The following RBFA variants were observed in gnomAD, a reference collection of about 807,000 sequenced individuals.
RBFA encodes the protein putative ribosome-binding factor A, mitochondrial.
A neutral mutation model predicts 27.9 loss-of-function variants in RBFA; 16 were observed. The ratio of observed to expected loss-of-function variants is 0.57; its 90% CI spans 0.39 to 0.87. The LOEUF (loss-of-function observed/expected upper bound fraction) is 0.87, where lower values mean the gene tolerates loss of function less well. RBFA is among the 40% of genes least tolerant of loss of function. The pLI, the probability that RBFA is intolerant of heterozygous loss-of-function variation, is 0.00. For synonymous variants in RBFA, 181 were observed against 181.0 expected, an observed-to-expected ratio of 1.00 and a Z score of 0.00; for missense variants, 456 against 432.1, an observed-to-expected ratio of 1.06 and a Z score of -0.49.
At chr18:80,034,820 C>A in intron 1 of RBFA, 167 bp downstream of exon 1, 1 of 712,620 alleles carries the variant, frequency 1.4e-6, no homozygotes, top group Non-Finnish European at 2.2e-6. Flanking sequence ...GCATTTGCAG[C>A]TTTTGTGTTC....
In RBFA at chr18:80,037,206, G is replaced by A. The variant is rs2051985076; in HGVS notation, c.202-124G>A. On this transcript the variant is annotated intron_variant, in intron 2 of 6. Transcript: ENST00000306735. ...CTTTATCTTAATGAAAGCTGAGGCA[G>A]CTGAGAGTGATAGCTGCTGTTGATC... 1.0e-5 allele frequency: 7 copies of A among 683,006 alleles called. No individual in the cohort carries two copies. In the East Asian group the frequency reaches 1.8e-4, roughly 18 times the overall value. 42.3% of individuals were successfully genotyped at this position (683,006 alleles called of 1,614,324 possible).
At chr18:80,038,095 C>T (rs140337310) in intron 3 of RBFA, among the ~76,000 whole-genome samples, 4 of 152,234 alleles carry the variant, frequency 2.6e-5, no homozygotes, top group East Asian at 3.9e-4. Context: ...CTAAGCCTGC[C>T]GTGGGAAGAG....
chr18:80,040,467 C>A, intron 4 of RBFA, among the ~76,000 whole-genome samples: 1 of 151,900 alleles, frequency 6.6e-6, no homozygotes, highest in Non-Finnish European at 1.5e-5. Flanking sequence ...AGGCTGGTCT[C>A]CAACTCCTGG....
At chr18:80,038,864 G>T (rs1260477534) in intron 4 of RBFA, among the ~76,000 whole-genome samples, 1 of 152,210 alleles carries the variant, frequency 6.6e-6, no homozygotes, top group African/African-American at 2.4e-5. Context: ...AGTTCATTAG[G>T]GTAAGACGTT....
chr18:80,040,842 T>C (rs2052011693), intron 4 of RBFA, among the ~76,000 whole-genome samples: 1 of 152,214 alleles, frequency 6.6e-6, no homozygotes, highest in Non-Finnish European at 1.5e-5. Context: ...CTTTGGGATC[T>C]TCAGTAATTT....
intron 4 of RBFA, chr18:80,041,355 C>G (rs776123472): frequency 2.6e-5 from 4 of 152,168 alleles, no homozygotes; most frequent in Non-Finnish European, 5.9e-5. Flanking sequence ...TCTGTGGTCA[C>G]GGCTTTCGCT....
Position 80,049,144 on chromosome 18 carries a change from T to G in RBFA, c.*2989T>G, listed in dbSNP as rs772887454. Among the ~76,000 whole-genome samples the G allele has an allele frequency of 3.0e-4, 45 of 151,564 alleles. No homozygotes were observed. Among genetic ancestry groups the G allele is most frequent in the Non-Finnish European group, 5.9e-4 (40 of 67,898 alleles). On this transcript the variant is annotated 3_prime_UTR_variant, in exon 7 of 7. Coordinates refer to ENST00000306735, the MANE Select transcript of RBFA (RefSeq NM_024805.3). ...ACCCGCTTCTGAATGGGTCCACTCC[T>G]GGGGATTTCCGCGGCCTTCCCTGGG... is the stretch of plus-strand genomic sequence containing the variant.
In RBFA at chr18:80,037,652, G is replaced by C. The variant is rs2051989578; in HGVS notation, c.378+146G>C. The stretch of plus-strand genomic sequence containing the variant: ...CGCCTGTAATCCTAGCACTTTGGGA[G>C]GCTGAGGCGGGCGGATCACGAGGCC... On this transcript the variant is annotated intron_variant, in intron 3 of 6. Coordinates refer to ENST00000306735, the MANE Select transcript of RBFA (RefSeq NM_024805.3). 5.4e-6 allele frequency: 3 copies of C among 555,372 alleles called. No homozygotes were observed. The African/African-American group carries it at 5.7e-5, about 11-fold the overall frequency. 34.4% of individuals were successfully genotyped at this position (555,372 alleles called of 1,614,324 possible).
intron 6 of RBFA, among the ~76,000 whole-genome samples, chr18:80,045,441 G>A (rs568422944): frequency 6.6e-6 from 1 of 152,164 alleles, no homozygotes; most frequent in African/African-American, 2.4e-5. Flanking sequence ...TGGCCAGGCT[G>A]GTCTTGCACT....
chr18:80,038,665 A>G (rs1201282036), intron 4 of RBFA, 48 bp downstream of exon 4: 3 of 1,379,774 alleles, frequency 2.2e-6, no homozygotes, highest in South Asian at 2.5e-5. Flanking sequence ...CTCATACCCT[A>G]AATTTCTCAG....
chr18:80,039,579 G>C (rs2052003438), intron 4 of RBFA, among the ~76,000 whole-genome samples: 1 of 152,164 alleles, frequency 6.6e-6, no homozygotes, highest in African/African-American at 2.4e-5. Context: ...CATATCTGTT[G>C]CCAGTGATAA....
rs144281218 is a variant in RBFA, at chr18:80,047,428, A to G, written c.*1273A>G. 5 of 152,548 alleles carry G rather than the reference A, an allele frequency of 3.3e-5. No individual in the cohort carries two copies. The highest frequency in any genetic ancestry group is 7.3e-5 in the Non-Finnish European group (5 of 68,112). The allele number at this position is 152,548 out of a possible 1,614,324, so 9.4% of individuals were successfully genotyped here. A position where few individuals can be genotyped will look rare whatever the true frequency, so the allele number is the denominator to read the frequency against. ...AAGCTGCATGTGCACTGTGTGGGGT[A>G]AGGACAGTAGGAGATGCTGCTGCAA... is the stretch of plus-strand genomic sequence containing the variant. On this transcript the variant is annotated 3_prime_UTR_variant, in exon 7 of 7. Transcript: ENST00000306735.
At position 80,034,506 on chromosome 18, in the gene RBFA, C is replaced by T; in HGVS notation, c.11C>T (p.Ala4Val). The T allele has an allele frequency of 6.4e-7, 1 of 1,569,076 alleles. No individual in the cohort carries two copies. The highest frequency in any genetic ancestry group is 8.6e-7 in the Non-Finnish European group (1 of 1,164,432). MWAAAGGLWRSRAG... is the reference protein window; with the variant it reads MWAVAGGLWRSRAG... ...TCCCGGCGCCGCGCCATGTGGGCTGCGGCGGGCGGGCTGTGGCGCTCCCGC... is the reference window on the plus strand; with the variant it reads ...TCCCGGCGCCGCGCCATGTGGGCTGTGGCGGGCGGGCTGTGGCGCTCCCGC... Residue 4 changes from alanine to valine, a missense_variant, in exon 1 of 7, where the codon GCG (alanine) becomes GTG (valine). Physicochemically the swap from Ala to Val is moderately conservative, Grantham distance 64. Transcript: ENST00000306735.
In RBFA at chr18:80,039,691, C is replaced by T. The variant is rs573038582; in HGVS notation, c.491+1074C>T. Among the ~76,000 whole-genome samples the T allele has an allele frequency of 4.6e-5, 7 of 152,342 alleles. No homozygotes were observed. The South Asian group carries it at 1.2e-3, about 27-fold the overall frequency. On this transcript the variant is annotated intron_variant, in intron 4 of 6. Coordinates refer to ENST00000306735, the MANE Select transcript of RBFA (RefSeq NM_024805.3). ...CTTGAGACTCTTCTGATGAGATTGG[C>T]AGCGACCTTAACAAACGTGCTGTTG...
chr18:80,035,763 TATTA>T (rs1332011701), intron 1 of RBFA: 2 of 152,252 alleles, frequency 1.3e-5, no homozygotes, highest in Non-Finnish European at 2.9e-5. Flanking sequence ...TCACCCCATG[TATTA>T]ATTCATTCAT....
chr18:80,035,201 C>T (rs1031465346), intron 1 of RBFA: 1 of 153,422 alleles, frequency 6.5e-6, no homozygotes, highest in African/African-American at 2.4e-5. Context: ...CACCCAGCTC[C>T]CCCTGTGTTA....
intron 1 of RBFA, 96 bp from the exon 2 acceptor site, chr18:80,036,572 C>A: frequency 1.3e-6 from 1 of 797,472 alleles, no homozygotes; most frequent in Non-Finnish European, 2.0e-6. Flanking sequence ...AAGTTTAGCC[C>A]CCTATAAACA....
At chr18:80,043,552 GGGGA>G (rs1325094009) in intron 5 of RBFA, among the ~76,000 whole-genome samples, 1 of 152,212 alleles carries the variant, frequency 6.6e-6, no homozygotes, top group Admixed American at 6.5e-5. Flanking sequence ...TCCTGTCTCT[GGGGA>G]GGGAGGTCCC....
chr18:80,045,912 G>A lies in RBFA; in HGVS notation c.789G>A (p.Val263=), dbSNP rs761402404. The change falls in exon 7 of 7, where the codon GTG becomes GTA. Residue 263 remains valine, a synonymous_variant. Coordinates refer to ENST00000306735, the MANE Select transcript of RBFA (RefSeq NM_024805.3). ...RRKDKGLGGL[V]WQGQVAELTT... is the part of the protein sequence containing the mutation. ...AAGATAAAGGGCTCGGGGGCCTGGT[G>A]TGGCAGGGGCAGGTGGCTGAGCTGA... 1 of 1,613,610 alleles carries A rather than the reference G, an allele frequency of 6.2e-7. No homozygotes were observed. Among genetic ancestry groups the A allele is most frequent in the Non-Finnish European group, 8.5e-7 (1 of 1,179,722 alleles).
Sources: gnomAD v4.1 joint callset for allele counts (sites outside exome capture counted in the v4.1 genomes callset) on GRCh38, gnomAD v4.1.1 for gene constraint, MANE v1.5 for transcripts, NCBI Gene and HGNC (gene_info 2026-07-23, HGNC 2026-07-21) for gene names.